Variants in PRIM2 observed in about 807,000 individuals in gnomAD.
PRIM2 encodes the protein DNA primase subunit 2.
In PRIM2, 39 loss-of-function variants were observed where a neutral mutation model predicts 67.3. That is an observed-to-expected ratio of 0.58 (90% CI 0.45 to 0.76). PRIM2 has a LOEUF of 0.76. Ranked by LOEUF, PRIM2 falls within the 30% of genes least tolerant of loss-of-function variation. The pLI, the probability that PRIM2 is intolerant of heterozygous loss-of-function variation, is 0.00. For missense variants in PRIM2, 398 were observed against 598.7 expected, an observed-to-expected ratio of 0.66 and a Z score of 3.50; for synonymous variants, 143 against 198.7, an observed-to-expected ratio of 0.72 and a Z score of 2.36.
At chr6:57,352,738 T>TC in intron 5 of PRIM2, among the ~76,000 whole-genome samples, 1 of 150,820 alleles carries the variant, frequency 6.6e-6, no homozygotes, top group Middle Eastern at 3.4e-3. Flanking sequence ...AGTTTTTTTT[T>TC]CTCTGACACA....
intron 7 of PRIM2, among the ~76,000 whole-genome samples, chr6:57,454,550 T>A (rs1462203399): frequency 6.6e-6 from 1 of 152,242 alleles, no homozygotes; most frequent in Non-Finnish European, 1.5e-5. Flanking sequence ...TATCCATTTC[T>A]TCTAGATTCT....
intron 7 of PRIM2, among the ~76,000 whole-genome samples, chr6:57,408,329 C>A (rs1255869166): frequency 6.6e-6 from 1 of 152,142 alleles, no homozygotes; most frequent in African/African-American, 2.4e-5. Context: ...AGAGAAGAGA[C>A]CCCCAGTGTG....
intron 5 of PRIM2, among the ~76,000 whole-genome samples, chr6:57,367,442 T>C (rs1243350863): frequency 2.6e-5 from 4 of 152,244 alleles, no homozygotes; most frequent in Non-Finnish European, 4.4e-5. Flanking sequence ...GATAAATATT[T>C]GGGTTATTTA....
Position 57,320,515 on chromosome 6 carries a change from G to C in PRIM2, c.213G>C (p.Gln71His). The C allele has an allele frequency of 6.2e-7, 1 of 1,610,330 alleles. No homozygotes were observed. Among genetic ancestry groups the C allele is most frequent in the Middle Eastern group, 1.7e-4 (1 of 6,052 alleles). ...ATGTGAAAGGAACTGAACAATACCA[G>C]AGTAAGTTGGAGAGTGAGCTTCGGA... ...VSYVKGTEQY[Q>H]SKLESELRKL... The change falls in exon 3 of 14, where the codon CAG (glutamine) becomes CAC (histidine). Residue 71 changes from glutamine (Q) to histidine (H), a missense_variant. Gln to His is a conservative substitution (Grantham distance 24). Around this residue, in one of 4 missense-constraint regions of PRIM2, gnomAD observed 96 missense variants for 98.3 expected, o/e 0.98. Transcript: ENST00000615550.
chr6:57,418,156 T>G (rs538989307), intron 7 of PRIM2, among the ~76,000 whole-genome samples: 2 of 152,050 alleles, frequency 1.3e-5, no homozygotes, highest in East Asian at 3.9e-4. Flanking sequence ...GGCTTAAAAA[T>G]GGCCATGTAA....
At chr6:57,255,924 C>G in the PRIM2 span, among the ~76,000 whole-genome samples, 1 of 152,244 alleles carries the variant, frequency 6.6e-6, no homozygotes, top group East Asian at 1.9e-4. Context: ...TAGTGTGATT[C>G]TTTATCTATT....
At chr6:57,386,155 G>A (rs1248924345) in intron 7 of PRIM2, among the ~76,000 whole-genome samples, 1 of 151,844 alleles carries the variant, frequency 6.6e-6, no homozygotes, top group Non-Finnish European at 1.5e-5. Flanking sequence ...GGAGGAGGAG[G>A]TGGGAGGATT....
At chr6:57,483,733 G>T (rs1773682456) in intron 7 of PRIM2, among the ~76,000 whole-genome samples, 2 of 152,172 alleles carry the variant, frequency 1.3e-5, no homozygotes, top group South Asian at 4.1e-4. Flanking sequence ...TTCTTGTATT[G>T]CATATAGGGT....
chr6:57,495,021 A>G (rs1237493342), intron 7 of PRIM2, among the ~76,000 whole-genome samples: 20 of 135,066 alleles, frequency 1.5e-4, no homozygotes, highest in Admixed American at 1.5e-3. Context: ...TTTGTTTTAA[A>G]TATAATTAGG....
At chr6:57,293,528 C>T in the PRIM2 span, among the ~76,000 whole-genome samples, 3,139 of 152,258 alleles carry the variant, frequency 0.021, 106 homozygotes, top group African/African-American at 0.071. Flanking sequence ...TATAAAGACA[C>T]ATTCACATGT....
chr6:57,393,576 T>C (rs1770429698), intron 7 of PRIM2, among the ~76,000 whole-genome samples: 2 of 152,144 alleles, frequency 1.3e-5, no homozygotes, highest in African/African-American at 4.8e-5. Context: ...TTGTCAGATG[T>C]ATAGATTGTG....
At chr6:57,638,527 T>C (rs1446917492) in intron 13 of PRIM2, among the ~76,000 whole-genome samples, 6 of 120,414 alleles carry the variant, frequency 5.0e-5, no homozygotes, top group Non-Finnish European at 9.6e-5. Flanking sequence ...AAGACACACA[T>C]AGGCTCAAAA....
At chr6:57,499,705 G>A (rs1202921074) in intron 7 of PRIM2, among the ~76,000 whole-genome samples, 2 of 152,078 alleles carry the variant, frequency 1.3e-5, no homozygotes, top group African/African-American at 2.4e-5. Flanking sequence ...TTTTACTCTT[G>A]TTAATCTGTC....
At chr6:57,567,794 C>T (rs1361215478) in intron 10 of PRIM2, among the ~76,000 whole-genome samples, 22 of 152,116 alleles carry the variant, frequency 1.4e-4, no homozygotes, top group Admixed American at 6.5e-5. Flanking sequence ...TTTTTATAGA[C>T]ATATTTTAAA....
At chr6:57,352,170 G>T (rs1581818964) in intron 5 of PRIM2, among the ~76,000 whole-genome samples, 1 of 152,172 alleles carries the variant, frequency 6.6e-6, no homozygotes, top group Non-Finnish European at 1.5e-5. Context: ...GTGGTTAGTT[G>T]TAATCTTGGA....
At chr6:57,239,537 C>A in the PRIM2 span, among the ~76,000 whole-genome samples, 1 of 152,028 alleles carries the variant, frequency 6.6e-6, no homozygotes, top group Admixed American at 6.6e-5. Flanking sequence ...GAATTGGAGA[C>A]CAGCCTGGGC....
At chr6:57,265,453 T>C in the PRIM2 span, among the ~76,000 whole-genome samples, 3 of 152,352 alleles carry the variant, frequency 2.0e-5, no homozygotes, top group East Asian at 5.8e-4. Flanking sequence ...GCCACGTTGG[T>C]ATGTGCCATT....
the PRIM2 span, among the ~76,000 whole-genome samples, chr6:57,297,689 T>A: frequency 6.6e-6 from 1 of 152,134 alleles, no homozygotes; most frequent in Non-Finnish European, 1.5e-5. Context: ...TTACCAGTAG[T>A]GAGATGTTCC....
the PRIM2 span, among the ~76,000 whole-genome samples, chr6:57,267,862 G>A: frequency 6.6e-6 from 1 of 151,692 alleles, no homozygotes; most frequent in African/African-American, 2.4e-5. Context: ...GTGAGCCACC[G>A]TCCTGGCCTG....
Sources: allele counts gnomAD v4.1 joint callset (sites outside exome capture counted in the v4.1 genomes callset), GRCh38; gene constraint gnomAD v4.1.1; regional missense constraint gnomAD v4.1.1; transcripts MANE v1.5; gene names NCBI Gene and HGNC (gene_info 2026-07-23, HGNC 2026-07-21).